Variants in USP49 observed in about 807,000 individuals in gnomAD.
USP49 encodes ubiquitin carboxyl-terminal hydrolase 49.
Under a neutral mutation model 58.6 loss-of-function variants are expected in USP49, and 24 were observed. That is an observed-to-expected ratio of 0.41 (90% CI 0.30 to 0.58). The LOEUF (loss-of-function observed/expected upper bound fraction) is 0.58. USP49 is among the 20% of genes least tolerant of loss of function. The pLI is 0.30. For missense variants in USP49, 703 were observed against 866.1 expected (o/e 0.81, Z 2.36); for synonymous variants, 408 against 365.1 (o/e 1.12, Z -1.34).
chr6:41,826,648 A>G (rs1773542956), intron 3 of USP49, among the ~76,000 whole-genome samples: 1 of 147,236 alleles, frequency 6.8e-6, no homozygotes, highest in South Asian at 2.1e-4. Context: ...TTGAAGTTAG[A>G]AAAAAAAAAA....
At chr6:41,874,630 G>C (rs1389996366) in intron 2 of USP49, among the ~76,000 whole-genome samples, 3 of 152,174 alleles carry the variant, frequency 2.0e-5, no homozygotes, top group Non-Finnish European at 4.4e-5. Flanking sequence ...AGCTAGTTAA[G>C]TGGCAAGGCA....
chr6:41,848,093 AAAG>A (rs1302062709), intron 3 of USP49, among the ~76,000 whole-genome samples: 10 of 152,248 alleles, frequency 6.6e-5, no homozygotes, highest in African/African-American at 9.6e-5. Flanking sequence ...CAGAAACTCC[AAAG>A]AAGTAGTTTT....
chr6:41,805,682 G>A lies in USP49; in HGVS notation c.1302C>T (p.Thr434=). Residue 434 remains threonine (T), a synonymous_variant, in exon 4 of 8, where the codon ACC becomes ACT. Transcript: ENST00000682992. ...TATTCACCACCTTTAAGACCTGTTTGGTGAGCTTCCTCTGGGAGAAGGGGA... is the reference window on the plus strand; with the variant it reads ...TATTCACCACCTTTAAGACCTGTTTAGTGAGCTTCCTCTGGGAGAAGGGGA... The part of the protein sequence containing the change: ...ILIPFSQRKL[T]KQVLKVVNTI... 6.2e-7 allele frequency: 1 copy of A among 1,614,158 alleles called. No homozygotes were observed. Among genetic ancestry groups the A allele is most frequent in the Non-Finnish European group, 8.5e-7 (1 of 1,180,014 alleles).
chr6:41,870,739 T>G (rs1052635581), intron 3 of USP49, among the ~76,000 whole-genome samples: 3 of 140,572 alleles, frequency 2.1e-5, no homozygotes, highest in Non-Finnish European at 4.5e-5. Flanking sequence ...TTGCCCAGGC[T>G]GGCTAGAATT....
At chr6:41,868,866 C>T (rs1774366921) in intron 3 of USP49, 1 of 151,870 alleles carries the variant, frequency 6.6e-6, no homozygotes, top group Admixed American at 6.6e-5. Context: ...CGGTTTCAAG[C>T]AATTCTCCTG....
At chr6:41,860,115 T>C (rs1288666872) in intron 3 of USP49, among the ~76,000 whole-genome samples, 4 of 152,168 alleles carry the variant, frequency 2.6e-5, no homozygotes, top group Non-Finnish European at 4.4e-5. Flanking sequence ...TTATTAAGTA[T>C]TTCTTCCACC....
intron 3 of USP49, among the ~76,000 whole-genome samples, chr6:41,831,144 C>A (rs1284811231): frequency 1.3e-5 from 2 of 152,184 alleles, no homozygotes; most frequent in Non-Finnish European, 2.9e-5. Context: ...GTAATACCAG[C>A]ACTTTGGGAG....
chr6:41,885,336 G>A (rs145066197), intron 2 of USP49, among the ~76,000 whole-genome samples: 4 of 152,180 alleles, frequency 2.6e-5, no homozygotes, highest in East Asian at 3.9e-4. Flanking sequence ...AAAATTACCC[G>A]TTCACCCCTT....
chr6:41,839,642 T>C (rs1773788050), intron 3 of USP49, among the ~76,000 whole-genome samples: 1 of 151,972 alleles, frequency 6.6e-6, no homozygotes, highest in Admixed American at 6.6e-5. Flanking sequence ...GGAATATATA[T>C]ACCATGGACT....
chr6:41,830,844 G>C (rs908604738), intron 3 of USP49, among the ~76,000 whole-genome samples: 1 of 151,478 alleles, frequency 6.6e-6, no homozygotes, highest in Non-Finnish European at 1.5e-5. Context: ...AAAAAATTTA[G>C]GAAAGCAGCA....
At chr6:41,895,068 T>C (rs908026134) in intron 1 of USP49, among the ~76,000 whole-genome samples, 3 of 102,914 alleles carry the variant, frequency 2.9e-5, no homozygotes, top group South Asian at 4.0e-4. Context: ...GGCGCCGCGG[T>C]CCCGCCCCCT....
Position 41,819,306 on chromosome 6 carries a change from C to A in USP49, c.-28-12295G>T, listed in dbSNP as rs527520315. ...GATAAAACAAGGTCCGAACTAATGG[C>A]TCCCTGTTCTCTACTGCCACATGGG... On this transcript the variant is annotated intron_variant, in intron 3 of 7. Coordinates refer to ENST00000682992, the MANE Select transcript of USP49 (RefSeq NM_001286554.2). Among the ~76,000 whole-genome samples, 18 of 152,194 alleles carry A rather than the reference C, an allele frequency of 1.2e-4. No homozygotes were observed. The South Asian group carries it at 3.3e-3, about 28-fold the overall frequency.
At chr6:41,849,606 T>C (rs1329749070) in intron 3 of USP49, among the ~76,000 whole-genome samples, 1 of 151,564 alleles carries the variant, frequency 6.6e-6, no homozygotes, top group East Asian at 1.9e-4. Flanking sequence ...TCTTTTCTTT[T>C]CTTTCTTTTT....
At chr6:41,804,864 T>G (rs1265700710) in intron 4 of USP49, among the ~76,000 whole-genome samples, 1 of 152,228 alleles carries the variant, frequency 6.6e-6, no homozygotes, top group Non-Finnish European at 1.5e-5. Flanking sequence ...TTCTCCTGCC[T>G]CAGCCTCCCA....
intron 3 of USP49, among the ~76,000 whole-genome samples, chr6:41,829,316 ATTT>A (rs150752989): frequency 6.9e-6 from 1 of 145,146 alleles, no homozygotes; most frequent in Admixed American, 6.9e-5. Context: ...ATTCTCTTGA[ATTT>A]TTTTTTTTTT....
rs148441118 is a variant in USP49 at position 41,806,830 on chromosome 6, C to G, written c.154G>C (p.Asp52His). 4.3e-6 allele frequency: 7 copies of G among 1,614,134 alleles called. No individual in the cohort carries two copies. Among genetic ancestry groups the G allele is most frequent in the African/African-American group, 1.3e-5 (1 of 75,038 alleles). Reference protein sequence around the residue: ...SHVACGRYIEDHALKHFEETG... With the variant: ...SHVACGRYIEHHALKHFEETG... ...TCCTCAAAGTGTTTCAGGGCGTGGT[C>G]CTCAATATAGCGGCCGCAGGCCACG... Residue 52 changes from aspartate (D) to histidine (H), a missense_variant, in exon 4 of 8, where the codon GAC (aspartate) becomes CAC (histidine). Coordinates refer to ENST00000682992, the MANE Select transcript of USP49 (RefSeq NM_001286554.2). This position sits in a 1 kb window ranked among gnomAD's most constrained non-coding sequence, Gnocchi z 5.9.
intron 2 of USP49, among the ~76,000 whole-genome samples, chr6:41,878,416 G>A (rs760850215): frequency 2.0e-5 from 3 of 152,106 alleles, no homozygotes; most frequent in Non-Finnish European, 4.4e-5. Flanking sequence ...TGTGACCTGA[G>A]AGCAAAGGAA....
In USP49 at chr6:41,798,866, G is replaced by A; in HGVS notation, c.1734C>T (p.Thr578=). Residue 578 remains threonine (T), a synonymous_variant, in exon 7 of 8, where the codon ACC becomes ACT. Transcript: ENST00000682992. ...TGTCCCTGCAGCAGTAAGGTTCCAT[G>A]GTTAATACCTGGTCAAAGACGACAT... The part of the protein sequence containing the change: ...GVHVVFDQVL[T]MEPYCCRDML... The A allele has an allele frequency of 1.2e-6, 2 of 1,613,892 alleles. No homozygotes were observed. Among genetic ancestry groups the A allele is most frequent in the Non-Finnish European group, 1.7e-6 (2 of 1,179,986 alleles).
chr6:41,891,310 G>T (rs1365638055), intron 2 of USP49, among the ~76,000 whole-genome samples: 1 of 152,032 alleles, frequency 6.6e-6, no homozygotes, highest in Non-Finnish European at 1.5e-5. Context: ...TGTATCACTG[G>T]GTTACAAAAC....
Sources: allele counts gnomAD v4.1 joint callset (sites outside exome capture counted in the v4.1 genomes callset), GRCh38; gene constraint gnomAD v4.1.1; non-coding constraint Gnocchi (gnomAD v3.1); transcripts MANE v1.5; gene names NCBI Gene and HGNC (gene_info 2026-07-23, HGNC 2026-07-21).